Variants in STRAP observed in about 807,000 individuals in gnomAD.
The protein encoded by STRAP is serine-threonine kinase receptor-associated protein.
In STRAP, 16 loss-of-function variants were observed where a neutral mutation model predicts 47.0. The ratio of observed to expected loss-of-function variants is 0.34; its 90% CI spans 0.23 to 0.52. STRAP has a LOEUF of 0.52. Ranked by LOEUF, STRAP falls within the 20% of genes least tolerant of loss-of-function variation. The pLI is 0.96. For synonymous variants in STRAP, 130 were observed against 142.7 expected (o/e 0.91, Z 0.63); for missense variants, 293 against 420.0 (o/e 0.70, Z 2.64).
At chr12:15,902,525 G>C (rs1948113666) in intron 9 of STRAP, among the ~76,000 whole-genome samples, 1 of 152,156 alleles carries the variant, frequency 6.6e-6, no homozygotes, top group Admixed American at 6.5e-5. Context: ...AAACAATGTT[G>C]ATGGTTAATG....
At chr12:15,883,004 C>T in intron 1 of STRAP, 185 bp downstream of exon 1, 2 of 1,483,838 alleles carry the variant, frequency 1.3e-6, no homozygotes, top group Non-Finnish European at 1.8e-6. Context: ...CAGCTGGAGC[C>T]GAGAGGACGC....
At chr12:15,898,190 G>C (rs1172296331) in intron 7 of STRAP, 172 bp downstream of exon 7, 2 of 430,506 alleles carry the variant, frequency 4.6e-6, no homozygotes, top group African/African-American at 2.1e-5. Context: ...TTAACCATTT[G>C]GGTCAGATGC....
At chr12:15,893,410 TAA>T (rs1267257889) in intron 4 of STRAP, among the ~76,000 whole-genome samples, 2 of 147,600 alleles carry the variant, frequency 1.4e-5, no homozygotes, top group Non-Finnish European at 3.0e-5. Context: ...AATAATATAA[TAA>T]ATACTTTTTA....
intron 2 of STRAP, among the ~76,000 whole-genome samples, chr12:15,888,901 A>G (rs1329386488): frequency 6.6e-6 from 1 of 152,094 alleles, no homozygotes; most frequent in Non-Finnish European, 1.5e-5. Context: ...TTTATTATGT[A>G]TTGGGGTAAG....
Position 15,903,346 on chromosome 12 carries a change from T to C in STRAP, c.*368T>C, listed in dbSNP as rs891790933. The C allele has an allele frequency of 6.2e-6, 1 of 161,624 alleles. No homozygotes were observed. Among genetic ancestry groups the C allele is most frequent in the Non-Finnish European group, 1.3e-5 (1 of 74,702 alleles). The allele number at this position is 161,624 out of a possible 1,614,324, so 10.0% of individuals were successfully genotyped here. On this transcript the variant is annotated 3_prime_UTR_variant, in exon 10 of 10. Coordinates refer to ENST00000419869, the MANE Select transcript of STRAP (RefSeq NM_007178.4). ...TCTGATCTTAAAGCAGAATGCCTTT[T>C]CTTTTTTTGCTTCAGTTGTAAAGAA...
intron 4 of STRAP, among the ~76,000 whole-genome samples, chr12:15,891,753 G>GCCAA (rs1948016724): frequency 1.3e-5 from 2 of 152,096 alleles, no homozygotes; most frequent in Non-Finnish European, 2.9e-5. Flanking sequence ...TACCAGCCTG[G>GCCAA]CCAACATGGT....
At chr12:15,888,742 T>G (rs1947991860) in intron 2 of STRAP, among the ~76,000 whole-genome samples, 1 of 152,188 alleles carries the variant, frequency 6.6e-6, no homozygotes, top group Non-Finnish European at 1.5e-5. Flanking sequence ...CATATATATG[T>G]CTTTTAATTA....
At position 15,890,314 on chromosome 12, in the gene STRAP, A is replaced by G. The variant is rs1349302418; in HGVS notation, c.331-283A>G. Among the ~76,000 whole-genome samples, 1 of 152,206 alleles carries G rather than the reference A, an allele frequency of 6.6e-6. No homozygotes were observed. The highest frequency in any genetic ancestry group is 6.5e-5 in the Admixed American group (1 of 15,280). On this transcript the variant is annotated intron_variant, in intron 3 of 9. Coordinates refer to ENST00000419869, the MANE Select transcript of STRAP (RefSeq NM_007178.4). This position sits in a 1 kb window ranked among gnomAD's most constrained non-coding sequence, Gnocchi z 4.5. ...GGGAGAAGATAAATTTGAGATAATCAGAAAAGGGCCTCTCACAAGGGAGAG... is the reference window on the plus strand; with the variant it reads ...GGGAGAAGATAAATTTGAGATAATCGGAAAAGGGCCTCTCACAAGGGAGAG...
At position 15,899,967 on chromosome 12, in the gene STRAP, A is replaced by G. The variant is rs374482822; in HGVS notation, c.839A>G (p.Tyr280Cys). Residue 280 changes from tyrosine to cysteine, a missense_variant, in exon 8 of 10, where the codon TAT becomes TGT. By Grantham distance (194) the Tyr-to-Cys change is radical. This residue lies in a region of STRAP where 26 missense variants were observed against 76.7 expected (regional missense o/e 0.34). Coordinates refer to ENST00000419869, the MANE Select transcript of STRAP (RefSeq NM_007178.4). The part of the protein sequence containing the change: ...CVRFSPDGEL[Y>C]ASGSEDGTLR... ...AGATTTAGTCCTGATGGAGAACTCT[A>G]TGCCAGTGGTTCAGAAGATGGAACA... is the stretch of plus-strand genomic sequence containing the variant. 2 of 1,613,798 alleles carry G rather than the reference A, an allele frequency of 1.2e-6. No individual in the cohort carries two copies. Among genetic ancestry groups the G allele is most frequent in the Non-Finnish European group, 1.7e-6 (2 of 1,179,810 alleles).
Position 15,895,482 on chromosome 12 carries a change from T to C in STRAP, c.624T>C (p.Phe208=). ...LVITYGRSIA[F]HSAVSLDPIK... ...TAACTTATGGACGATCTATTGCTTT[T>C]CATAGTGCAGTAAGGTATGTCCAAG... is the stretch of plus-strand genomic sequence containing the variant. The change falls in exon 6 of 10, where the codon TTT becomes TTC. Residue 208 remains phenylalanine, a synonymous_variant. Transcript: ENST00000419869. 6.2e-7 allele frequency: 1 copy of C among 1,605,130 alleles called. No individual in the cohort carries two copies. Among genetic ancestry groups the C allele is most frequent in the South Asian group, 1.1e-5 (1 of 88,458 alleles).
rs559857627 is a variant in STRAP, at chr12:15,887,683, C to T, written c.249-2245C>T. On this transcript the variant is annotated intron_variant, in intron 2 of 9. Coordinates refer to ENST00000419869, the MANE Select transcript of STRAP (RefSeq NM_007178.4). The surrounding 1 kb of genome is among the most constrained non-coding windows in gnomAD (Gnocchi z 5.5). ...TTGGTCACTCCAACTCTCTTCTCAC[C>T]TTTGAATAGACACAGTCTAAGCAGA... 6.6e-6 allele frequency among the ~76,000 whole-genome samples: 1 copy of T among 152,212 alleles called. No individual in the cohort carries two copies. Among genetic ancestry groups the T allele is most frequent in the East Asian group, 1.9e-4 (1 of 5,170 alleles).
chr12:15,893,996 G>T (rs761870698), intron 4 of STRAP, 51 bp from the exon 5 acceptor site: 1 of 1,358,428 alleles, frequency 7.4e-7, no homozygotes, highest in African/African-American at 1.5e-5. Context: ...ATATTGTTCA[G>T]TTTAAAAAAT....
At chr12:15,900,143 T>C in intron 8 of STRAP, 90 bp downstream of exon 8, 1 of 1,316,836 alleles carries the variant, frequency 7.6e-7, no homozygotes, top group Non-Finnish European at 1.0e-6. Context: ...GGTTCCTGTT[T>C]TCTATAAATT....
At position 15,903,183 on chromosome 12, in the gene STRAP, T is replaced by A; in HGVS notation, c.*205T>A. 4.5e-6 allele frequency: 2 copies of A among 443,112 alleles called. No individual in the cohort carries two copies. The highest frequency in any genetic ancestry group is 7.8e-6 in the Non-Finnish European group (2 of 257,142). 27.4% of individuals were successfully genotyped at this position (443,112 alleles called of 1,614,324 possible). A position where few individuals can be genotyped will look rare whatever the true frequency, so the allele number is the denominator to read the frequency against. ...AAGTGTCAGATGAAGGGAGGTGGAG[T>A]TATCCTCTTATAGTACAGTGGCCTG... is the stretch of plus-strand genomic sequence containing the variant. On this transcript the variant is annotated 3_prime_UTR_variant, in exon 10 of 10. Transcript: ENST00000419869.
chr12:15,890,241 A>G lies in STRAP; in HGVS notation c.330+232A>G, dbSNP rs1948003588. The stretch of plus-strand genomic sequence containing the variant: ...AACGAGTACCAGTCCTTCAACATGT[A>G]AAAAACATCTGAAAAGCTCAAGTAG... On this transcript the variant is annotated intron_variant, in intron 3 of 9. Transcript: ENST00000419869. The surrounding 1 kb of genome is among the most constrained non-coding windows in gnomAD (Gnocchi z 4.5). Among the ~76,000 whole-genome samples the G allele has an allele frequency of 6.6e-6, 1 of 152,218 alleles. No homozygotes were observed. Among genetic ancestry groups the G allele is most frequent in the Non-Finnish European group, 1.5e-5 (1 of 68,026 alleles).
At chr12:15,885,138 C>T (rs1947958060) in intron 2 of STRAP, among the ~76,000 whole-genome samples, 1 of 145,900 alleles carries the variant, frequency 6.9e-6, no homozygotes. Context: ...GTTGTGCATA[C>T]ACAGATTTAT....
chr12:15,892,182 G>A (rs1051080230), intron 4 of STRAP, among the ~76,000 whole-genome samples: 4 of 151,954 alleles, frequency 2.6e-5, no homozygotes, highest in African/African-American at 9.7e-5. Flanking sequence ...ATAATTGCCT[G>A]TCTACCTTTT....
rs1018683905 is a variant in STRAP, at chr12:15,882,470, C to G, written c.-238C>G. On this transcript the variant is annotated 5_prime_UTR_variant, in exon 1 of 10. Transcript: ENST00000419869. ...TCCGCTTCTCCCCATCCCCTACTTT[C>G]CTCCCTCCCTCCCTTTCCCTCCCTC... 3.9e-6 allele frequency: 2 copies of G among 507,478 alleles called. No individual in the cohort carries two copies. Among genetic ancestry groups the G allele is most frequent in the Non-Finnish European group, 7.1e-6 (2 of 282,424 alleles). The allele number at this position is 507,478 out of a possible 1,614,324, so 31.4% of individuals were successfully genotyped here.
Position 15,894,021 on chromosome 12 carries a change from T to C in STRAP, c.404-26T>C. 1 of 1,491,090 alleles carries C rather than the reference T, an allele frequency of 6.7e-7. No homozygotes were observed. Among genetic ancestry groups the C allele is most frequent in the Non-Finnish European group, 9.3e-7 (1 of 1,073,872 alleles). The allele number at this position is 1,491,090 out of a possible 1,614,324, so 92.4% of individuals were successfully genotyped here. A position where few individuals can be genotyped will look rare whatever the true frequency, so the allele number is the denominator to read the frequency against. ...GTTTAAAAAATCATATATTAACAAA[T>C]GTACTTTAAATTGTTTTATCTCAAG... On this transcript the variant is annotated intron_variant, in intron 4 of 9. Coordinates refer to ENST00000419869, the MANE Select transcript of STRAP (RefSeq NM_007178.4). This position sits in a 1 kb window ranked among gnomAD's most constrained non-coding sequence, Gnocchi z 4.9.
Sources: gnomAD v4.1 joint callset for allele counts (sites outside exome capture counted in the v4.1 genomes callset) on GRCh38, gnomAD v4.1.1 for gene constraint, gnomAD v4.1.1 regional missense constraint, Gnocchi (gnomAD v3.1) non-coding constraint, MANE v1.5 for transcripts, NCBI Gene and HGNC (gene_info 2026-07-23, HGNC 2026-07-21) for gene names.